C19orf44: variants seen among roughly 807,000 people sequenced by gnomAD.
The protein encoded by C19orf44 is uncharacterized protein C19orf44.
In C19orf44, 43 loss-of-function variants were observed where a neutral mutation model predicts 50.7. The ratio of observed to expected loss-of-function variants is 0.85; its 90% CI spans 0.66 to 1.09. The LOEUF is 1.09. C19orf44 is among the 50% of genes least tolerant of loss of function. The probability of loss-of-function intolerance (pLI) is 0.00; values close to 1 mark genes in which losing one functional copy is unlikely to be tolerated. For synonymous variants in C19orf44, 298 were observed against 334.7 expected, an observed-to-expected ratio of 0.89 and a Z score of 1.20; for missense variants, 722 against 836.2, an observed-to-expected ratio of 0.86 and a Z score of 1.68.
At chr19:16,514,742 G>A (rs908288475) in intron 7 of C19orf44, 79 bp downstream of exon 7, 153 of 1,405,824 alleles carry the variant, frequency 1.1e-4, no homozygotes, top group Non-Finnish European at 1.4e-4. Flanking sequence ...AGGGATATGG[G>A]CCGGGGCCTG....
chr19:16,500,588 CTG>C (rs1257866343), intron 1 of C19orf44, among the ~76,000 whole-genome samples: 2 of 151,886 alleles, frequency 1.3e-5, no homozygotes, highest in African/African-American at 4.8e-5. Flanking sequence ...CGTGATCCAC[CTG>C]CCTCGGCCTC....
chr19:16,506,815 G>A, intron 4 of C19orf44, 41 bp downstream of exon 4: 1 of 1,442,240 alleles, frequency 6.9e-7, no homozygotes, highest in Middle Eastern at 1.9e-4. Flanking sequence ...GATTGTTTTT[G>A]GCTTCAACAT....
In C19orf44 at chr19:16,521,038, G is replaced by A. The variant is rs1274982100; in HGVS notation, c.*985G>A. The stretch of plus-strand genomic sequence containing the variant: ...ATGGCCCTGTGGCTGTGGGCTCCGA[G>A]CATGGGCGCAGTAGAGCTTGGTTCA... On this transcript the variant is annotated 3_prime_UTR_variant, in exon 9 of 9. Transcript: ENST00000221671. 5.0e-6 allele frequency: 4 copies of A among 799,024 alleles called. No individual in the cohort carries two copies. In the African/African-American group the frequency reaches 5.0e-5, roughly 10 times the overall value. 49.5% of individuals were successfully genotyped at this position (799,024 alleles called of 1,614,324 possible).
chr19:16,518,260 G>A (rs2085565416), intron 8 of C19orf44: 1 of 152,080 alleles, frequency 6.6e-6, no homozygotes, highest in African/African-American at 2.4e-5. Flanking sequence ...GCTGGCTGGG[G>A]TCGGGCTCCA....
In C19orf44 at chr19:16,513,023, T is replaced by C; in HGVS notation, c.1649T>C (p.Met550Thr). The C allele has an allele frequency of 1.2e-6, 2 of 1,612,754 alleles. No homozygotes were observed. The highest frequency in any genetic ancestry group is 2.2e-5 in the East Asian group (1 of 44,878). ...TTTGTCCCCGAGATAGTGGCCAGCA[T>C]GGCAGCCATGGGGCCTGCCCTGGGA... ...FTYEWTKVAS[M>T]AAMGPALGGA... Residue 550 changes from methionine (M) to threonine (T), a missense_variant, in exon 6 of 9, where the codon ATG (methionine) becomes ACG (threonine). Transcript: ENST00000221671.
At chr19:16,514,434 G>GC in intron 6 of C19orf44, 63 bp from the exon 7 acceptor site, 1 of 1,469,020 alleles carries the variant, frequency 6.8e-7, no homozygotes, top group South Asian at 1.3e-5. Context: ...TGAGCGGTGG[G>GC]GGGGGGGCTG....
rs371270066 is a variant in C19orf44, at chr19:16,519,689, G to A, written c.*41-405G>A. Reference sequence around the variant, plus strand: ...CCTTGAGTCAGGGATGGGAGGCGCCGAATTAGAACCCAGACCAGCAGAGGA... The same window carrying A: ...CCTTGAGTCAGGGATGGGAGGCGCCAAATTAGAACCCAGACCAGCAGAGGA... On this transcript the variant is annotated intron_variant, in intron 8 of 8. Coordinates refer to ENST00000221671, the MANE Select transcript of C19orf44 (RefSeq NM_032207.4). The surrounding 1 kb of genome is among the most constrained non-coding windows in gnomAD (Gnocchi z 6.0). 55 of 1,613,904 alleles carry A rather than the reference G, an allele frequency of 3.4e-5. No individual in the cohort carries two copies. The South Asian group carries it at 4.1e-4, about 12-fold the overall frequency.
Position 16,509,835 on chromosome 19 carries a change from G to C in C19orf44, c.1486G>C (p.Asp496His), listed in dbSNP as rs760222715. The change falls in exon 5 of 9, where the codon GAC becomes CAC. Residue 496 changes from aspartate to histidine, a missense_variant. Coordinates refer to ENST00000221671, the MANE Select transcript of C19orf44 (RefSeq NM_032207.4). The part of the protein sequence containing the change: ...HSKESLDRTL[D>H]ALSESSSSVK... Reference sequence around the variant, plus strand: ...CAAGGAGTCTCTTGACAGAACACTGGACGCTTTGTCTGAATCCTCTTCAAG... The same window carrying C: ...CAAGGAGTCTCTTGACAGAACACTGCACGCTTTGTCTGAATCCTCTTCAAG... 2 of 1,614,122 alleles carry C rather than the reference G, an allele frequency of 1.2e-6. No individual in the cohort carries two copies. The highest frequency in any genetic ancestry group is 1.7e-6 in the Non-Finnish European group (2 of 1,180,054).
intron 1 of C19orf44, chr19:16,499,421 G>A (rs1308751395): frequency 6.6e-6 from 1 of 151,816 alleles, no homozygotes; most frequent in Non-Finnish European, 1.5e-5. Context: ...GGAGTAGCTG[G>A]GACTACAGGC....
At chr19:16,514,249 G>A (rs553183191) in intron 6 of C19orf44, among the ~76,000 whole-genome samples, 5 of 151,614 alleles carry the variant, frequency 3.3e-5, no homozygotes, top group East Asian at 1.9e-4. Flanking sequence ...CTTGTGATCC[G>A]CCTGCCTCAG....
At chr19:16,508,419 G>A (rs1412448836) in intron 4 of C19orf44, among the ~76,000 whole-genome samples, 1 of 151,954 alleles carries the variant, frequency 6.6e-6, no homozygotes, top group Non-Finnish European at 1.5e-5. Flanking sequence ...ATTTATTTTT[G>A]AGACAGGTCT....
chr19:16,510,325 C>T (rs1213564150), intron 5 of C19orf44, among the ~76,000 whole-genome samples: 2 of 152,028 alleles, frequency 1.3e-5, no homozygotes, highest in African/African-American at 2.4e-5. Flanking sequence ...GAGAAGAACC[C>T]GGGAGGTGGA....
In C19orf44 at chr19:16,519,738, T is replaced by C. The variant is rs766012811; in HGVS notation, c.*41-356T>C. ...GAACTAAAATCGAGACAGGTTATTC[T>C]TTTTAAGAAGTAACTGAGACATTTA... On this transcript the variant is annotated intron_variant, in intron 8 of 8. Coordinates refer to ENST00000221671, the MANE Select transcript of C19orf44 (RefSeq NM_032207.4). The surrounding 1 kb of genome is among the most constrained non-coding windows in gnomAD (Gnocchi z 6.0). 2 of 1,583,922 alleles carry C rather than the reference T, an allele frequency of 1.3e-6. No homozygotes were observed. The highest frequency in any genetic ancestry group is 2.2e-5 in the South Asian group (2 of 90,368).
chr19:16,497,592 G>A (rs200180582), intron 1 of C19orf44, among the ~76,000 whole-genome samples: 6 of 151,824 alleles, frequency 4.0e-5, no homozygotes, highest in Non-Finnish European at 8.8e-5. Context: ...CTCGTGATCC[G>A]CCCGCCTTAG....
intron 2 of C19orf44, among the ~76,000 whole-genome samples, chr19:16,502,461 C>A (rs938473324): frequency 6.6e-6 from 1 of 151,696 alleles, no homozygotes; most frequent in Non-Finnish European, 1.5e-5. Context: ...TGGTCTCGAT[C>A]GCTTGACCTC....
At chr19:16,500,648 A>G in intron 1 of C19orf44, 144 bp from the exon 2 acceptor site, 1 of 831,388 alleles carries the variant, frequency 1.2e-6, no homozygotes, top group Non-Finnish European at 1.8e-6. Context: ...CAGCCTGGTC[A>G]TTTTCATTGT....
At position 16,509,927 on chromosome 19, in the gene C19orf44, G is replaced by C. The variant is rs771896382; in HGVS notation, c.1578G>C (p.Val526=). ...AGTCGGGCAGGCACGTGACAAGAGT[G>C]CTTGTGAAGGACACAGCTGTGCAGA... ...RKKSGRHVTR[V]LVKDTAVQTP... is the part of the protein sequence containing the mutation. The change falls in exon 5 of 9, where the codon GTG becomes GTC. Residue 526 remains valine, a synonymous_variant. Transcript: ENST00000221671. The C allele has an allele frequency of 5.0e-6, 8 of 1,614,292 alleles. No homozygotes were observed. The highest frequency in any genetic ancestry group is 1.6e-4 in the Middle Eastern group (1 of 6,062).
chr19:16,520,343 CCT>C lies in C19orf44; in HGVS notation c.*291_*292del, dbSNP rs759199259. The C allele has an allele frequency of 2.1e-5, 34 of 1,611,852 alleles. No homozygotes were observed. In the East Asian group the frequency reaches 4.2e-4, roughly 20 times the overall value. ...CACAGGAAGAGGCCTCAGGCACTGC[CCT>C]GAGGCAGCCTCTGCCTACCTAGATC... On this transcript the variant is annotated 3_prime_UTR_variant, in exon 9 of 9. Coordinates refer to ENST00000221671, the MANE Select transcript of C19orf44 (RefSeq NM_032207.4). The surrounding 1 kb of genome is among the most constrained non-coding windows in gnomAD (Gnocchi z 4.0).
Position 16,501,532 on chromosome 19 carries a change from A to T in C19orf44, c.740A>T (p.Glu247Val). 7.1e-7 allele frequency: 1 copy of T among 1,416,044 alleles called. No homozygotes were observed. Among genetic ancestry groups the T allele is most frequent in the Non-Finnish European group, 9.3e-7 (1 of 1,077,476 alleles). The allele number at this position is 1,416,044 out of a possible 1,614,324, so 87.7% of individuals were successfully genotyped here. The change falls in exon 2 of 9, where the codon GAA becomes GTA. Residue 247 changes from glutamate to valine, a missense_variant. Physicochemically the swap from Glu to Val is moderately radical, Grantham distance 121 (BLOSUM62 -2). Coordinates refer to ENST00000221671, the MANE Select transcript of C19orf44 (RefSeq NM_032207.4). ...GFSSANVSEE[E>V]ERKLFSVPSQ... Reference sequence around the variant, plus strand: ...AGCAGCGCTAACGTCAGCGAGGAAGAAGAAAGAAAACTATTTTCGGTGAGA... The same window carrying T: ...AGCAGCGCTAACGTCAGCGAGGAAGTAGAAAGAAAACTATTTTCGGTGAGA...
Sources: gnomAD v4.1 joint callset for allele counts (sites outside exome capture counted in the v4.1 genomes callset) on GRCh38, gnomAD v4.1.1 for gene constraint, Gnocchi (gnomAD v3.1) non-coding constraint, MANE v1.5 for transcripts, NCBI Gene and HGNC (gene_info 2026-07-23, HGNC 2026-07-21) for gene names.